Variants in TPRA1 observed in about 807,000 individuals in gnomAD.
TPRA1 encodes the protein transmembrane protein adipocyte-associated 1.
A neutral mutation model predicts 40.1 loss-of-function variants in TPRA1; 28 were observed. The ratio of observed to expected loss-of-function variants is 0.70; its 90% CI spans 0.52 to 0.96. The LOEUF (loss-of-function observed/expected upper bound fraction) is 0.96, where lower values mean the gene tolerates loss of function less well. TPRA1 is among the 40% of genes least tolerant of loss of function. The pLI, the probability that TPRA1 is intolerant of heterozygous loss-of-function variation, is 0.00. For synonymous variants in TPRA1, 219 were observed against 209.7 expected (o/e 1.04, Z -0.38); for missense variants, 441 against 482.6 (o/e 0.91, Z 0.81).
rs1158004591 is a variant in TPRA1, at chr3:127,571,966, CCCAA to C, written c.*1551_*1554del. The stretch of plus-strand genomic sequence containing the variant: ...ATCTGATGGTCAAATCCCTGCTGGC[CCCAA>C]CCCTTACCCCGCTCACTCAGAATGC... On this transcript the variant is annotated 3_prime_UTR_variant, in exon 11 of 11. Transcript: ENST00000355552. 1 of 152,156 alleles carries C rather than the reference CCCAA, an allele frequency of 6.6e-6. No individual in the cohort carries two copies. Among genetic ancestry groups the C allele is most frequent in the Non-Finnish European group, 1.5e-5 (1 of 68,040 alleles). The allele number at this position is 152,156 out of a possible 1,614,324, so 9.4% of individuals were successfully genotyped here. A position where few individuals can be genotyped will look rare whatever the true frequency, so the allele number is the denominator to read the frequency against.
In TPRA1 at chr3:127,575,446, G is replaced by A; in HGVS notation, c.730C>T (p.Leu244=). 1 of 1,603,228 alleles carries A rather than the reference G, an allele frequency of 6.2e-7. No homozygotes were observed. Among genetic ancestry groups the A allele is most frequent in the Non-Finnish European group, 8.5e-7 (1 of 1,175,166 alleles). The stretch of plus-strand genomic sequence containing the variant: ...TCGAAGCACAGCAGCACACTCCCCA[G>A]CCCCTGCAGTAGGTTGAGCAGTGCC... ...ILALLNLLQG[L]GSVLLCFDII... Residue 244 remains leucine, a synonymous_variant, in exon 9 of 11, where the codon CTG becomes TTG. Coordinates refer to ENST00000355552, the MANE Select transcript of TPRA1 (RefSeq NM_001136053.4).
intron 1 of TPRA1, among the ~76,000 whole-genome samples, chr3:127,585,710 C>G (rs1417711393): frequency 6.6e-6 from 1 of 152,182 alleles, no homozygotes; most frequent in Admixed American, 6.5e-5. Flanking sequence ...CAACTGAGGC[C>G]AACACTGACC....
chr3:127,576,640 A>G lies in TPRA1; in HGVS notation c.475T>C (p.Ser159Pro), dbSNP rs753132142. Residue 159 changes from serine (S) to proline (P), a missense_variant, in exon 6 of 11, where the codon TCC (serine) becomes CCC (proline). Physicochemically the swap from Ser to Pro is moderately conservative, Grantham distance 74. Coordinates refer to ENST00000355552, the MANE Select transcript of TPRA1 (RefSeq NM_001136053.4). The surrounding 1 kb of genome is among the most constrained non-coding windows in gnomAD (Gnocchi z 4.6). Reference protein sequence around the residue: ...KRVLAITTVLSLAYSVTQGTL... With the variant: ...KRVLAITTVLPLAYSVTQGTL... The stretch of plus-strand genomic sequence containing the variant: ...ACCTGGGTGACAGAGTAGGCCAGGG[A>G]CAGCACTGTGGTGATGGCCAGCACC... 5 of 1,609,384 alleles carry G rather than the reference A, an allele frequency of 3.1e-6. No individual in the cohort carries two copies. Among genetic ancestry groups the G allele is most frequent in the Non-Finnish European group, 4.2e-6 (5 of 1,177,968 alleles).
At chr3:127,578,198 T>C (rs1345378109) in intron 3 of TPRA1, among the ~76,000 whole-genome samples, 1 of 152,236 alleles carries the variant, frequency 6.6e-6, no homozygotes, top group Non-Finnish European at 1.5e-5. Context: ...AGAAATTGTG[T>C]CAGCAGGGCA....
chr3:127,596,767 A>C (rs1336430743), intron 1 of TPRA1, among the ~76,000 whole-genome samples: 2 of 152,126 alleles, frequency 1.3e-5, no homozygotes, highest in African/African-American at 4.8e-5. Context: ...CTAAGCCAGG[A>C]TCCTGGTGTC....
Position 127,575,430 on chromosome 3 carries a change from A to C in TPRA1, c.746T>G (p.Leu249Arg). 6.2e-7 allele frequency: 1 copy of C among 1,601,020 alleles called. No individual in the cohort carries two copies. The highest frequency in any genetic ancestry group is 8.5e-7 in the Non-Finnish European group (1 of 1,174,036). Residue 249 changes from leucine to arginine, a missense_variant, in exon 9 of 11, where the codon CTG becomes CGG. Physicochemically the swap from Leu to Arg is moderately radical, Grantham distance 102. Coordinates refer to ENST00000355552, the MANE Select transcript of TPRA1 (RefSeq NM_001136053.4). ...GAGCCCCTCGATGATGTCGAAGCAC[A>C]GCAGCACACTCCCCAGCCCCTGCAG... Reference protein sequence around the residue: ...NLLQGLGSVLLCFDIIEGLCC... With the variant: ...NLLQGLGSVLRCFDIIEGLCC...
At chr3:127,592,378 T>G (rs1299824152), upstream of TPRA1, among the ~76,000 whole-genome samples, 174 of 137,480 alleles carry the variant, frequency 1.3e-3, 2 homozygotes, top group African/African-American at 4.1e-3. Flanking sequence ...TTTTTTTTTT[T>G]TTTTTTTTTT....
In TPRA1 at chr3:127,579,815, C is replaced by T. The variant is rs1490106548; in HGVS notation, c.183G>A (p.Leu61=). ...CCCGAGCAGATGGAAGCTTCCAGAG[C>T]AGGAAGATGAGGAAGAGCACATTGG... ...LIPNVLFLIF[L]LWKLPSARAK... The change falls in exon 3 of 11, where the codon CTG becomes CTA. Residue 61 remains leucine (L), a synonymous_variant. Coordinates refer to ENST00000355552, the MANE Select transcript of TPRA1 (RefSeq NM_001136053.4). 1 of 1,613,934 alleles carries T rather than the reference C, an allele frequency of 6.2e-7. No individual in the cohort carries two copies. Among genetic ancestry groups the T allele is most frequent in the African/African-American group, 1.3e-5 (1 of 74,896 alleles).
chr3:127,582,701 C>CAA (rs1404690468), intron 1 of TPRA1, among the ~76,000 whole-genome samples: 60 of 76,170 alleles, frequency 7.9e-4, no homozygotes, highest in Middle Eastern at 9.3e-3. Flanking sequence ...GACTCTGTCT[C>CAA]AAAAAAAAAA....
chr3:127,571,844 A>G lies in TPRA1; in HGVS notation c.*1677T>C, dbSNP rs536331181. ...TTTTTAAAAAACAAACTTAAAAATT[A>G]TAAAAATGGTCTCTTTTCTTCTGTT... On this transcript the variant is annotated 3_prime_UTR_variant, in exon 11 of 11. Coordinates refer to ENST00000355552, the MANE Select transcript of TPRA1 (RefSeq NM_001136053.4). 6.6e-6 allele frequency: 1 copy of G among 151,388 alleles called. No individual in the cohort carries two copies. Among genetic ancestry groups the G allele is most frequent in the East Asian group, 1.9e-4 (1 of 5,186 alleles). 9.4% of individuals were successfully genotyped at this position (151,388 alleles called of 1,614,324 possible).
At chr3:127,577,190 A>G in intron 3 of TPRA1, 114 bp from the exon 4 acceptor site, 1 of 1,079,134 alleles carries the variant, frequency 9.3e-7, no homozygotes, top group East Asian at 2.5e-5. Flanking sequence ...GTCGGAAAGG[A>G]GGAAGGCGCA....
chr3:127,575,901 A>G, intron 7 of TPRA1, 39 bp downstream of exon 7: 1 of 1,611,552 alleles, frequency 6.2e-7, no homozygotes, highest in Non-Finnish European at 8.5e-7. Flanking sequence ...CCTGGCCCTA[A>G]GGCCCCAGCC....
At chr3:127,584,831 T>C (rs1162269107) in intron 1 of TPRA1, among the ~76,000 whole-genome samples, 2 of 151,794 alleles carry the variant, frequency 1.3e-5, no homozygotes, top group Admixed American at 1.3e-4. Context: ...AAAAAGAACT[T>C]TTTTTTTGTT....
chr3:127,582,004 G>A (rs535647872), intron 1 of TPRA1, among the ~76,000 whole-genome samples: 139 of 152,000 alleles, frequency 9.1e-4, no homozygotes, highest in Non-Finnish European at 1.5e-3. Flanking sequence ...GCAAGGAGCC[G>A]CCCAGTGAGC....
At position 127,580,064 on chromosome 3, in the gene TPRA1, T is replaced by A. The variant is rs1385425518; in HGVS notation, c.83A>T (p.His28Leu). Reference protein sequence around the residue: ...PPLAPNISVPHRCLLLLYEDI... With the variant: ...PPLAPNISVPLRCLLLLYEDI... The stretch of plus-strand genomic sequence containing the variant: ...TTCGTAGAGCAGCAGCAGGCAGCGA[T>A]GAGGCACACTGATGTTTGGTGCCAG... Residue 28 changes from histidine to leucine, a missense_variant, in exon 2 of 11, where the codon CAT becomes CTT. Coordinates refer to ENST00000355552, the MANE Select transcript of TPRA1 (RefSeq NM_001136053.4). The A allele has an allele frequency of 6.2e-7, 1 of 1,613,966 alleles. No individual in the cohort carries two copies. Among genetic ancestry groups the A allele is most frequent in the Non-Finnish European group, 8.5e-7 (1 of 1,180,024 alleles).
At chr3:127,589,247 G>A (rs377519568) in intron 1 of TPRA1, among the ~76,000 whole-genome samples, 2 of 152,254 alleles carry the variant, frequency 1.3e-5, no homozygotes. Flanking sequence ...GAACGACTGG[G>A]TAAGGCCTTC....
At chr3:127,585,791 T>C (rs1287956939) in intron 1 of TPRA1, among the ~76,000 whole-genome samples, 1 of 152,124 alleles carries the variant, frequency 6.6e-6, no homozygotes, top group Non-Finnish European at 1.5e-5. Flanking sequence ...TAAAACCTAG[T>C]GTTCAAGCAG....
chr3:127,591,304 C>T (rs1412443487), upstream of TPRA1, among the ~76,000 whole-genome samples: 1 of 152,232 alleles, frequency 6.6e-6, no homozygotes, highest in African/African-American at 2.4e-5. Flanking sequence ...CTCCTCTTAG[C>T]AACCCTGCTA....
At chr3:127,585,537 A>T (rs535234238) in intron 1 of TPRA1, among the ~76,000 whole-genome samples, 1 of 152,340 alleles carries the variant, frequency 6.6e-6, no homozygotes, top group South Asian at 2.1e-4. Flanking sequence ...GAGAGGACAG[A>T]GGCTTGCACT....
Sources: gnomAD v4.1 joint callset for allele counts (sites outside exome capture counted in the v4.1 genomes callset) on GRCh38, gnomAD v4.1.1 for gene constraint, Gnocchi (gnomAD v3.1) non-coding constraint, MANE v1.5 for transcripts, NCBI Gene and HGNC (gene_info 2026-07-23, HGNC 2026-07-21) for gene names.